The following ADAMTSL1 variants were observed in gnomAD, a reference collection of about 807,000 sequenced individuals.
ADAMTSL1 encodes ADAMTS like 1.
In ADAMTSL1, 126 loss-of-function variants were observed where a neutral mutation model predicts 201.8. The ratio of observed to expected loss-of-function variants is 0.62; its 90% CI spans 0.54 to 0.72. The LOEUF is 0.72. ADAMTSL1 is among the 30% of genes least tolerant of loss of function. The pLI is 0.00. For synonymous variants in ADAMTSL1, 1,121 were observed against 903.4 expected (o/e 1.24, Z -4.32); for missense variants, 2,679 against 2,277.8 (o/e 1.18, Z -3.59).
At chr9:18,540,509 C>T (rs1348121471) in intron 3 of ADAMTSL1, among the ~76,000 whole-genome samples, 2 of 152,048 alleles carry the variant, frequency 1.3e-5, no homozygotes, top group African/African-American at 4.8e-5. Context: ...AGGAGCCCAG[C>T]TTATTTGGGG....
chr9:18,296,023 G>C (rs1833465451), intron 2 of ADAMTSL1, among the ~76,000 whole-genome samples: 1 of 152,148 alleles, frequency 6.6e-6, no homozygotes, highest in Non-Finnish European at 1.5e-5. Context: ...TGCATAATCA[G>C]TGAAGTATCC....
rs948810556 is a variant in ADAMTSL1, at chr9:17,958,788, G to C, written c.87+51866G>C. Among the ~76,000 whole-genome samples, 4 of 152,252 alleles carry C rather than the reference G, an allele frequency of 2.6e-5. No individual in the cohort carries two copies. The East Asian group carries it at 5.8e-4, about 22-fold the overall frequency. ...TTGAGGACCATGTGAGATCTTGCCT[G>C]ATATAAACAATATGTAACATTACAG... On this transcript the variant is annotated intron_variant, in intron 1 of 29. Coordinates refer to the ADAMTSL1 transcript ENST00000680146.
chr9:18,894,063 T>C (rs370126045), intron 26 of ADAMTSL1, among the ~76,000 whole-genome samples: 1 of 152,160 alleles, frequency 6.6e-6, no homozygotes, highest in Non-Finnish European at 1.5e-5. Context: ...AGAATAGAAA[T>C]AGAAATGTGG....
At chr9:18,607,683 C>G (rs1825114053) in intron 4 of ADAMTSL1, among the ~76,000 whole-genome samples, 1 of 151,956 alleles carries the variant, frequency 6.6e-6, no homozygotes, top group Non-Finnish European at 1.5e-5. Context: ...CCCATTAACT[C>G]ATCATTTAGC....
intron 1 of ADAMTSL1, among the ~76,000 whole-genome samples, chr9:17,918,554 G>C (rs1283462534): frequency 6.6e-6 from 1 of 151,796 alleles, no homozygotes; most frequent in Non-Finnish European, 1.5e-5. Flanking sequence ...GGACCAGAAT[G>C]ATGGTCTTTC....
At chr9:17,987,780 A>G (rs1480981655) in intron 1 of ADAMTSL1, among the ~76,000 whole-genome samples, 1 of 152,044 alleles carries the variant, frequency 6.6e-6, no homozygotes, top group Non-Finnish European at 1.5e-5. Context: ...GGAAGACTCA[A>G]GTTCCCTAAA....
intron 2 of ADAMTSL1, among the ~76,000 whole-genome samples, chr9:18,266,404 A>G (rs905090686): frequency 6.6e-6 from 1 of 152,208 alleles, no homozygotes; most frequent in Admixed American, 6.5e-5. Flanking sequence ...AGAGAACTGA[A>G]TGAGCCTCAC....
At chr9:18,697,530 C>T (rs1050654052) in intron 13 of ADAMTSL1, among the ~76,000 whole-genome samples, 1 of 152,062 alleles carries the variant, frequency 6.6e-6, no homozygotes, top group African/African-American at 2.4e-5. Context: ...AAAATGTTTC[C>T]AACAGTACCC....
intron 2 of ADAMTSL1, among the ~76,000 whole-genome samples, chr9:18,311,254 G>C (rs1174016354): frequency 6.6e-6 from 1 of 151,908 alleles, no homozygotes; most frequent in Non-Finnish European, 1.5e-5. Flanking sequence ...ACCTAATATA[G>C]ATGAAATATT....
intron 23 of ADAMTSL1, among the ~76,000 whole-genome samples, chr9:18,838,467 A>G (rs1048187947): frequency 6.6e-6 from 1 of 151,898 alleles, no homozygotes; most frequent in South Asian, 2.1e-4. Context: ...AGCTCTAAAG[A>G]GCCTGGAGTT....
At chr9:18,221,621 ATTG>A (rs1830262851) in intron 2 of ADAMTSL1, among the ~76,000 whole-genome samples, 1 of 152,028 alleles carries the variant, frequency 6.6e-6, no homozygotes, top group Non-Finnish European at 1.5e-5. Flanking sequence ...TTGATATGTA[ATTG>A]TTGTTATAAT....
intron 1 of ADAMTSL1, among the ~76,000 whole-genome samples, chr9:18,491,162 A>G (rs1028643034): frequency 2.6e-5 from 4 of 152,222 alleles, no homozygotes; most frequent in African/African-American, 9.6e-5. Flanking sequence ...CAAATGGGGT[A>G]GTAAACCATG....
chr9:18,657,824 A>T, intron 8 of ADAMTSL1, 74 bp downstream of exon 8: 1 of 1,266,192 alleles, frequency 7.9e-7, no homozygotes, highest in Admixed American at 1.8e-5. Flanking sequence ...GAGTAGAGTT[A>T]CTTCAGCATG....
chr9:18,181,561 G>T (rs914044991), intron 2 of ADAMTSL1, among the ~76,000 whole-genome samples: 5 of 152,022 alleles, frequency 3.3e-5, no homozygotes, highest in Non-Finnish European at 7.4e-5. Flanking sequence ...GGCCATCAGA[G>T]AAATGCAAAT....
chr9:18,502,059 T>C (rs929266669), intron 1 of ADAMTSL1, among the ~76,000 whole-genome samples: 2 of 152,224 alleles, frequency 1.3e-5, no homozygotes, highest in African/African-American at 2.4e-5. Context: ...ATTTACCAAA[T>C]ATCTTACCCA....
chr9:17,988,537 T>A (rs1413760099), intron 1 of ADAMTSL1, among the ~76,000 whole-genome samples: 1 of 151,320 alleles, frequency 6.6e-6, no homozygotes, highest in Non-Finnish European at 1.5e-5. Flanking sequence ...TTATATAAAA[T>A]CCCCTTATTG....
intron 1 of ADAMTSL1, among the ~76,000 whole-genome samples, chr9:18,479,447 C>G (rs1821616831): frequency 1.3e-5 from 2 of 152,100 alleles, no homozygotes; most frequent in African/African-American, 2.4e-5. Flanking sequence ...TAATTGTAAC[C>G]TTTATTAGGA....
At chr9:17,907,628 C>A (rs1424616946) in intron 1 of ADAMTSL1, among the ~76,000 whole-genome samples, 1 of 152,164 alleles carries the variant, frequency 6.6e-6, no homozygotes, top group Non-Finnish European at 1.5e-5. Context: ...GAAATTCAGG[C>A]CCTGAGGCGG....
At chr9:18,680,606 C>G (rs1460564427) in intron 11 of ADAMTSL1, 90 bp downstream of exon 11, 15 of 1,423,554 alleles carry the variant, frequency 1.1e-5, no homozygotes, top group Non-Finnish European at 1.1e-5. Context: ...CTGAGCAGCT[C>G]CACACTCTTC....
Sources: gnomAD v4.1 joint callset for allele counts (sites outside exome capture counted in the v4.1 genomes callset) on GRCh38, gnomAD v4.1.1 for gene constraint, MANE v1.5 for transcripts, NCBI Gene and HGNC (gene_info 2026-07-23, HGNC 2026-07-21) for gene names.